Variants in XKR4 observed in about 807,000 individuals in gnomAD.
The protein encoded by XKR4 is XK-related protein 4.
XKR4 carries 12 observed loss-of-function variants against 53.9 expected under a neutral mutation model. The ratio of observed to expected loss-of-function variants is 0.22; its 90% CI spans 0.14 to 0.36. The LOEUF is 0.36. Ranked by LOEUF, XKR4 falls within the 10% of genes least tolerant of loss-of-function variation. The pLI is 1.00. For synonymous variants in XKR4, 354 were observed against 362.4 expected, an observed-to-expected ratio of 0.98 and a Z score of 0.26; for missense variants, 799 against 859.5, an observed-to-expected ratio of 0.93 and a Z score of 0.88.
intron 2 of XKR4, among the ~76,000 whole-genome samples, chr8:55,412,724 T>C (rs1170368806): frequency 6.6e-6 from 1 of 152,234 alleles, no homozygotes. Context: ...CAGCATCAAG[T>C]GTGTTAAGAA....
intron 1 of XKR4, among the ~76,000 whole-genome samples, chr8:55,231,627 ATT>A (rs34441244): frequency 6.6e-6 from 1 of 150,416 alleles, no homozygotes; most frequent in African/African-American, 2.4e-5. Flanking sequence ...GATCGATCAT[ATT>A]TTTTTTTTCA....
At chr8:55,177,772 TG>T in intron 1 of XKR4, among the ~76,000 whole-genome samples, 1 of 152,246 alleles carries the variant, frequency 6.6e-6, no homozygotes, top group Non-Finnish European at 1.5e-5. Flanking sequence ...TTGTGGACTT[TG>T]AGATGGTTCC....
At chr8:55,313,937 G>A (rs1037781879) in intron 1 of XKR4, among the ~76,000 whole-genome samples, 7 of 152,210 alleles carry the variant, frequency 4.6e-5, no homozygotes, top group African/African-American at 1.7e-4. Context: ...GACACCCACA[G>A]TTTCCTACCT....
chr8:55,491,365 C>G (rs60598558), intron 2 of XKR4, among the ~76,000 whole-genome samples: 1 of 152,030 alleles, frequency 6.6e-6, no homozygotes, highest in African/African-American at 2.4e-5. Flanking sequence ...TTACATTGTC[C>G]ATGATTTTTT....
chr8:55,142,936 C>A (rs902103138), intron 1 of XKR4, among the ~76,000 whole-genome samples: 2 of 152,192 alleles, frequency 1.3e-5, no homozygotes, highest in Non-Finnish European at 2.9e-5. Context: ...AGGCAGCGGT[C>A]CCTTGTGGGT....
intron 2 of XKR4, among the ~76,000 whole-genome samples, chr8:55,382,660 AG>A (rs1804252852): frequency 6.6e-6 from 1 of 152,220 alleles, no homozygotes; most frequent in African/African-American, 2.4e-5. Context: ...TCTGTTAAAA[AG>A]TCTGTTACAG....
intron 2 of XKR4, among the ~76,000 whole-genome samples, chr8:55,399,893 G>A (rs917578915): frequency 4.6e-5 from 7 of 152,208 alleles, no homozygotes; most frequent in Admixed American, 4.6e-4. Context: ...TCCAGGACAG[G>A]AGCAGCCTGC....
intron 1 of XKR4, among the ~76,000 whole-genome samples, chr8:55,336,358 C>T (rs1040160014): frequency 2.0e-5 from 3 of 152,116 alleles, no homozygotes; most frequent in African/African-American, 7.2e-5. Flanking sequence ...GCCTCCCCAG[C>T]CATGTGGAAC....
At chr8:55,191,230 C>A (rs563258199) in intron 1 of XKR4, among the ~76,000 whole-genome samples, 23 of 152,312 alleles carry the variant, frequency 1.5e-4, no homozygotes, top group Non-Finnish European at 2.6e-4. Flanking sequence ...CCAAACCCTC[C>A]TGGCTTTGCC....
chr8:55,299,669 C>A (rs941124409), intron 1 of XKR4, among the ~76,000 whole-genome samples: 5 of 152,070 alleles, frequency 3.3e-5, no homozygotes, highest in Non-Finnish European at 7.4e-5. Context: ...GAAAATAGAA[C>A]GACTTGGTGA....
intron 2 of XKR4, among the ~76,000 whole-genome samples, chr8:55,479,219 C>A (rs1450831314): frequency 6.6e-6 from 1 of 152,064 alleles, no homozygotes; most frequent in Admixed American, 6.5e-5. Context: ...ACAGTGCAAT[C>A]AAACTAGAAC....
intron 2 of XKR4, among the ~76,000 whole-genome samples, chr8:55,494,265 G>T (rs557032901): frequency 6.6e-6 from 1 of 152,254 alleles, no homozygotes; most frequent in Non-Finnish European, 1.5e-5. Context: ...GAACATAGTG[G>T]TGCCCACAAG....
At chr8:55,398,678 T>C (rs1448847960) in intron 2 of XKR4, among the ~76,000 whole-genome samples, 1 of 152,152 alleles carries the variant, frequency 6.6e-6, no homozygotes, top group Non-Finnish European at 1.5e-5. Flanking sequence ...ATCAGATTAA[T>C]AACATCCAGG....
chr8:55,444,826 T>A (rs2939629), intron 2 of XKR4, among the ~76,000 whole-genome samples: 112,212 of 152,134 alleles, frequency 0.74, 42,339 homozygotes, highest in African/African-American at 0.91. Flanking sequence ...CAGCAATTCT[T>A]TTTCTATGCA....
chr8:55,530,173 AAGGAAG>A lies in XKR4; in HGVS notation c.*5947_*5952del, dbSNP rs1563374703. Reference sequence around the variant, plus strand: ...GAAGGAAGGAAGGAAGGAAGGAAGGAAGGAAGGAAGGAAGGAAGGAAGGAAGGAAGG... The same window carrying A: ...GAAGGAAGGAAGGAAGGAAGGAAGGAGAAGGAAGGAAGGAAGGAAGGAAGG... On this transcript the variant is annotated 3_prime_UTR_variant, in exon 3 of 3. Transcript: ENST00000327381. The A allele has an allele frequency of 1.2e-4, 17 of 147,268 alleles. No homozygotes were observed. Among genetic ancestry groups the A allele is most frequent in the Non-Finnish European group, 2.1e-4 (14 of 67,436 alleles). The allele number at this position is 147,268 out of a possible 1,614,324, so 9.1% of individuals were successfully genotyped here. A position where few individuals can be genotyped will look rare whatever the true frequency, so the allele number is the denominator to read the frequency against.
At chr8:55,219,724 T>C (rs577946999) in intron 1 of XKR4, among the ~76,000 whole-genome samples, 1 of 152,374 alleles carries the variant, frequency 6.6e-6, no homozygotes, top group South Asian at 2.1e-4. Flanking sequence ...CTGAGGCTCA[T>C]ATAAATGTAA....
At position 55,524,315 on chromosome 8, in the gene XKR4, G is replaced by A; in HGVS notation, c.*88G>A. The A allele has an allele frequency of 1.5e-6, 2 of 1,326,384 alleles. No individual in the cohort carries two copies. The highest frequency in any genetic ancestry group is 1.4e-5 in the South Asian group (1 of 70,016). The allele number at this position is 1,326,384 out of a possible 1,614,324, so 82.2% of individuals were successfully genotyped here. Reference sequence around the variant, plus strand: ...TAATGACACTTCATCCTAGAGCAGGGCAGTGAGCCGTGAAGTTCCTAGTGG... The same window carrying A: ...TAATGACACTTCATCCTAGAGCAGGACAGTGAGCCGTGAAGTTCCTAGTGG... On this transcript the variant is annotated 3_prime_UTR_variant, in exon 3 of 3. Transcript: ENST00000327381.
intron 1 of XKR4, among the ~76,000 whole-genome samples, chr8:55,251,772 T>A (rs964719612): frequency 4.6e-5 from 7 of 152,220 alleles, no homozygotes; most frequent in Non-Finnish European, 1.0e-4. Flanking sequence ...GAGATAGCAT[T>A]CATTTTGCTT....
At chr8:55,129,432 T>C (rs1305179338) in intron 1 of XKR4, among the ~76,000 whole-genome samples, 1 of 152,186 alleles carries the variant, frequency 6.6e-6, no homozygotes, top group Non-Finnish European at 1.5e-5. Flanking sequence ...ACAGTTACAT[T>C]TCAGTTTTAC....
Sources: gnomAD v4.1 joint callset for allele counts (sites outside exome capture counted in the v4.1 genomes callset) on GRCh38, gnomAD v4.1.1 for gene constraint, MANE v1.5 for transcripts, NCBI Gene and HGNC (gene_info 2026-07-23, HGNC 2026-07-21) for gene names.